C11orf65: variants seen among roughly 807,000 people sequenced by gnomAD.
C11orf65 encodes the protein protein MFI.
C11orf65 carries 38 observed loss-of-function variants against 35.3 expected under a neutral mutation model. The ratio of observed to expected loss-of-function variants is 1.08; its 90% CI spans 0.83 to 1.41. C11orf65 has a LOEUF of 1.41. Ranked by LOEUF, C11orf65 falls within the 40% of genes most tolerant of loss-of-function variation. C11orf65 has a pLI of 0.00. For synonymous variants in C11orf65, 105 were observed against 114.4 expected, an observed-to-expected ratio of 0.92 and a Z score of 0.53; for missense variants, 370 against 367.1, an observed-to-expected ratio of 1.01 and a Z score of -0.06.
chr11:108,449,200 C>G (rs1591589247), intron 2 of C11orf65, among the ~76,000 whole-genome samples: 5 of 152,156 alleles, frequency 3.3e-5, no homozygotes, highest in African/African-American at 7.2e-5. Flanking sequence ...GTGAAAATGG[C>G]CCTACTGCCC....
At chr11:108,447,809 A>C (rs1358894726) in intron 2 of C11orf65, among the ~76,000 whole-genome samples, 1 of 152,166 alleles carries the variant, frequency 6.6e-6, no homozygotes, top group East Asian at 1.9e-4. Context: ...GGAAATAGAG[A>C]CACAAAAAAC....
intron 2 of C11orf65, among the ~76,000 whole-genome samples, chr11:108,439,085 A>G (rs529409598): frequency 6.6e-6 from 1 of 152,340 alleles, no homozygotes; most frequent in East Asian, 1.9e-4. Context: ...ATGGGAGAAA[A>G]TATTTGCAAA....
At chr11:108,310,659 T>G (rs1038190371) in intron 6 of C11orf65, among the ~76,000 whole-genome samples, 3 of 152,184 alleles carry the variant, frequency 2.0e-5, no homozygotes, top group Admixed American at 1.3e-4. Context: ...TTAAATTATT[T>G]CCTAACTTCA....
intron 2 of C11orf65, among the ~76,000 whole-genome samples, chr11:108,345,341 C>A (rs2088192824): frequency 6.6e-6 from 1 of 152,170 alleles, no homozygotes; most frequent in Non-Finnish European, 1.5e-5. Flanking sequence ...AGATCTGAGT[C>A]ATATCAGCTG....
chr11:108,341,614 A>T (rs1253629516), intron 2 of C11orf65, among the ~76,000 whole-genome samples: 1 of 152,224 alleles, frequency 6.6e-6, no homozygotes, highest in East Asian at 1.9e-4. Flanking sequence ...TTAAAAATGT[A>T]TAGAACTAAA....
chr11:108,347,131 G>A, intron 2 of C11orf65: 1 of 692,294 alleles, frequency 1.4e-6, no homozygotes, highest in Non-Finnish European at 2.6e-6. Context: ...AACTCAACAT[G>A]GCCGGTTATG....
rs761247608 is a variant in C11orf65 at position 108,385,973 on chromosome 11, T to C, written c.734A>G (p.Tyr245Cys). Reference protein sequence around the residue: ...NWTNTLNFDEYIASWKEIATS... With the variant: ...NWTNTLNFDECIASWKEIATS... ...AGCAATTTCCTTCCAGCTGGCAATG[T>C]ACCTAAGCACATTATATGAGGATTC... The change falls in exon 8 of 9, where the codon TAC (tyrosine) becomes TGC (cysteine). Residue 245 changes from tyrosine (Y) to cysteine (C), a missense_variant and splice_region_variant. Transcript: ENST00000393084. The C allele has an allele frequency of 3.1e-6, 5 of 1,612,774 alleles. No homozygotes were observed. The highest frequency in any genetic ancestry group is 1.1e-5 in the South Asian group (1 of 91,016).
intron 6 of C11orf65, among the ~76,000 whole-genome samples, chr11:108,395,267 A>C (rs1270315248): frequency 6.6e-6 from 1 of 150,686 alleles, no homozygotes; most frequent in Non-Finnish European, 1.5e-5. Flanking sequence ...GAGGTGGGAG[A>C]CTCCCTTGAA....
chr11:108,389,995 GT>G (rs911762173), intron 7 of C11orf65, among the ~76,000 whole-genome samples: 33 of 34,548 alleles, frequency 9.6e-4, no homozygotes, highest in South Asian at 2.2e-3. Flanking sequence ...CGCCTGGCTG[GT>G]TTTTTTTTTA....
At chr11:108,385,114 C>A (rs1386985539) in intron 8 of C11orf65, among the ~76,000 whole-genome samples, 2 of 152,086 alleles carry the variant, frequency 1.3e-5, no homozygotes, top group Non-Finnish European at 2.9e-5. Context: ...CACTCTGTCA[C>A]CCAGGCTGGA....
chr11:108,410,277 A>G (rs7108522), intron 3 of C11orf65, among the ~76,000 whole-genome samples: 81,578 of 151,898 alleles, frequency 0.54, 22,498 homozygotes, highest in Middle Eastern at 0.74. Context: ...GTAGTTTTTA[A>G]TTGTATTTTC....
intron 3 of C11orf65, among the ~76,000 whole-genome samples, chr11:108,427,932 G>A (rs1467654244): frequency 8.2e-6 from 1 of 122,012 alleles, no homozygotes; most frequent in Non-Finnish European, 1.6e-5. Flanking sequence ...CCGGGTTCAC[G>A]CCATTCTCCT....
chr11:108,390,499 T>A (rs1455768792), intron 7 of C11orf65, among the ~76,000 whole-genome samples: 1 of 152,216 alleles, frequency 6.6e-6, no homozygotes, highest in Non-Finnish European at 1.5e-5. Flanking sequence ...TGGTATCAAT[T>A]TTTTGTACTT....
chr11:108,464,595 C>T (rs760529065), intron 1 of C11orf65, among the ~76,000 whole-genome samples: 2 of 151,634 alleles, frequency 1.3e-5, no homozygotes, highest in Non-Finnish European at 2.9e-5. Context: ...CTCTTGACCT[C>T]GTGATCCACC....
chr11:108,337,589 A>C (rs954665499), intron 2 of C11orf65, among the ~76,000 whole-genome samples: 1 of 152,212 alleles, frequency 6.6e-6, no homozygotes, highest in African/African-American at 2.4e-5. Context: ...TTGATGCTGC[A>C]CTGGTCCAGG....
downstream of C11orf65, among the ~76,000 whole-genome samples, chr11:108,328,013 A>G (rs555457357): frequency 6.6e-6 from 1 of 152,262 alleles, no homozygotes; most frequent in South Asian, 2.1e-4. Context: ...CTACCCTTTC[A>G]GCAGGTTGCT....
At chr11:108,423,074 C>T (rs888115646) in intron 3 of C11orf65, among the ~76,000 whole-genome samples, 11 of 152,178 alleles carry the variant, frequency 7.2e-5, no homozygotes, top group African/African-American at 1.4e-4. Flanking sequence ...GCTTTTCGCA[C>T]GATCTTCCCA....
At chr11:108,314,824 T>C (rs1467471533) in intron 6 of C11orf65, among the ~76,000 whole-genome samples, 2 of 152,094 alleles carry the variant, frequency 1.3e-5, no homozygotes, top group Non-Finnish European at 2.9e-5. Flanking sequence ...ATTGAGAAAA[T>C]GATAAGGAAG....
chr11:108,331,692 A>T (rs1022309456), intron 3 of C11orf65: 15 of 1,335,220 alleles, frequency 1.1e-5, no homozygotes, highest in Admixed American at 2.7e-5. Flanking sequence ...CTCACATCAC[A>T]TAAGTTACTC....
Sources: allele counts gnomAD v4.1 joint callset (sites outside exome capture counted in the v4.1 genomes callset), GRCh38; gene constraint gnomAD v4.1.1; transcripts MANE v1.5; gene names NCBI Gene and HGNC (gene_info 2026-07-23, HGNC 2026-07-21).